The following KCNH8 variants were observed in gnomAD, a reference collection of about 807,000 sequenced individuals.
KCNH8 encodes potassium voltage-gated channel subfamily H member 8.
KCNH8 carries 70 observed loss-of-function variants against 103.6 expected under a neutral mutation model. The observed-to-expected ratio is 0.68, with a 90% CI of 0.56 to 0.82. The LOEUF is 0.82. KCNH8 is among the 40% of genes least tolerant of loss of function. The probability of loss-of-function intolerance (pLI) is 0.00; values close to 1 mark genes in which losing one functional copy is unlikely to be tolerated. For missense variants in KCNH8, 1,217 were observed against 1,329.9 expected (o/e 0.92, Z 1.32); for synonymous variants, 498 against 489.4 (o/e 1.02, Z -0.23).
In KCNH8 at chr3:19,340,364, T is replaced by A. The variant is rs1303588795; in HGVS notation, c.443-2223T>A. On this transcript the variant is annotated intron_variant, in intron 3 of 15. Transcript: ENST00000328405. The stretch of plus-strand genomic sequence containing the variant: ...TTTTTTATTTTTTTTTTAATTTTTT[T>A]TTTTTTTATTATACTCTAAGTTTTA... Among the ~76,000 whole-genome samples the A allele has an allele frequency of 2.0e-3, 306 of 150,832 alleles. 1 individual carries two copies. The highest frequency in any genetic ancestry group is 7.0e-3 in the African/African-American group (289 of 41,380).
intron 3 of KCNH8, among the ~76,000 whole-genome samples, chr3:19,301,897 A>G (rs566024068): frequency 6.6e-6 from 1 of 152,320 alleles, no homozygotes; most frequent in East Asian, 1.9e-4. Flanking sequence ...TTACAAAGAT[A>G]TTTTAAAGGA....
At chr3:19,231,707 G>A (rs535300518) in intron 1 of KCNH8, among the ~76,000 whole-genome samples, 1 of 152,226 alleles carries the variant, frequency 6.6e-6, no homozygotes, top group East Asian at 1.9e-4. Context: ...TTTACAGAAT[G>A]AAGTATCCAA....
At chr3:19,158,275 A>G (rs1207492524) in intron 1 of KCNH8, among the ~76,000 whole-genome samples, 1 of 151,506 alleles carries the variant, frequency 6.6e-6, no homozygotes, top group Admixed American at 6.6e-5. Flanking sequence ...ATATTCCTCT[A>G]TGTAATTCTA....
At chr3:19,268,533 A>G (rs957032173) in intron 2 of KCNH8, among the ~76,000 whole-genome samples, 1 of 152,146 alleles carries the variant, frequency 6.6e-6, no homozygotes. Flanking sequence ...TTCTCAGGCT[A>G]TTGAGAGTCA....
chr3:19,490,991 TA>T (rs908095895), intron 11 of KCNH8, among the ~76,000 whole-genome samples: 8 of 151,950 alleles, frequency 5.3e-5, no homozygotes, highest in South Asian at 2.1e-4. Flanking sequence ...GAGTTTCCAA[TA>T]AAAAAAATAC....
intron 1 of KCNH8, among the ~76,000 whole-genome samples, chr3:19,149,152 T>C (rs763506162): frequency 1.1e-4 from 17 of 152,262 alleles, no homozygotes; most frequent in Non-Finnish European, 1.6e-4. Context: ...CTAATCTTTC[T>C]AGAGTTTCAA....
chr3:19,455,044 A>G (rs2067509860), intron 10 of KCNH8, among the ~76,000 whole-genome samples: 1 of 152,144 alleles, frequency 6.6e-6, no homozygotes, highest in Admixed American at 6.6e-5. Context: ...GATATTTAGC[A>G]CATGTTCACT....
At chr3:19,277,303 C>T (rs2064688072) in intron 2 of KCNH8, among the ~76,000 whole-genome samples, 1 of 152,092 alleles carries the variant, frequency 6.6e-6, no homozygotes. Context: ...TGGCTTATGC[C>T]TGTAATTCAA....
At chr3:19,394,415 A>T (rs1414900079) in intron 6 of KCNH8, among the ~76,000 whole-genome samples, 4 of 152,032 alleles carry the variant, frequency 2.6e-5, no homozygotes, top group African/African-American at 9.7e-5. Flanking sequence ...AGGCACTAGG[A>T]GACTCTTCAG....
chr3:19,167,067 C>T lies in KCNH8; in HGVS notation c.76+18272C>T, dbSNP rs909385092. Among the ~76,000 whole-genome samples the T allele has an allele frequency of 5.9e-5, 9 of 152,282 alleles. No individual in the cohort carries two copies. In the South Asian group the frequency reaches 1.0e-3, roughly 18 times the overall value. ...TCCAAATGTTCTCTGTCACAAGTGT[C>T]TCCTTTATTTGTTCCTCATAGCAAA... On this transcript the variant is annotated intron_variant, in intron 1 of 15. Transcript: ENST00000328405.
chr3:19,214,469 G>A (rs1176293976), intron 1 of KCNH8, among the ~76,000 whole-genome samples: 1 of 152,244 alleles, frequency 6.6e-6, no homozygotes, highest in Non-Finnish European at 1.5e-5. Context: ...CCACCTATGG[G>A]CTAGATCCAA....
rs185762109 is a variant in KCNH8, at chr3:19,362,920, A to C, written c.811+14955A>C. 1.1e-4 allele frequency among the ~76,000 whole-genome samples: 16 copies of C among 152,188 alleles called. No individual in the cohort carries two copies. The East Asian group carries it at 2.9e-3, about 28-fold the overall frequency. On this transcript the variant is annotated intron_variant, in intron 5 of 15. Coordinates refer to ENST00000328405, the MANE Select transcript of KCNH8 (RefSeq NM_144633.3). ...TCCCCCCTTAGCCTCCCAAAGTGCC[A>C]GGATTACAGGCATGAGCCACTGTGC...
chr3:19,503,938 A>T (rs2068642276), intron 11 of KCNH8, among the ~76,000 whole-genome samples: 1 of 151,940 alleles, frequency 6.6e-6, no homozygotes, highest in South Asian at 2.1e-4. Flanking sequence ...TAATAATAAT[A>T]ATAATAAAGA....
intron 1 of KCNH8, among the ~76,000 whole-genome samples, chr3:19,151,394 A>G (rs1211736319): frequency 6.6e-6 from 1 of 152,060 alleles, no homozygotes; most frequent in East Asian, 1.9e-4. Context: ...TTTTTACCTT[A>G]TTTGTGAAGT....
rs1491342985 is a variant in KCNH8 at position 19,170,811 on chromosome 3, T to TATA, written c.76+22016_76+22017insATA. Among the ~76,000 whole-genome samples, 337 of 73,982 alleles carry TATA rather than the reference T, an allele frequency of 4.6e-3. 1 individual carries two copies. The highest frequency in any genetic ancestry group is 7.7e-3 in the Middle Eastern group (1 of 130). The allele number at this position is 73,982 out of a possible 152,430, so 48.5% of individuals were successfully genotyped here. A position where few individuals can be genotyped will look rare whatever the true frequency, so the allele number is the denominator to read the frequency against. ...ACACATATATATATATATATATATA[T>TATA]TTTTTTTTTTTTTTTTGAGACGAAG... On this transcript the variant is annotated intron_variant, in intron 1 of 15. Coordinates refer to ENST00000328405, the MANE Select transcript of KCNH8 (RefSeq NM_144633.3).
rs555071781 is a variant in KCNH8 at position 19,486,335 on chromosome 3, T to C, written c.2041-24028T>C. Among the ~76,000 whole-genome samples the C allele has an allele frequency of 3.4e-3, 522 of 152,380 alleles. 4 individuals are homozygous for C. The highest frequency in any genetic ancestry group is 5.4e-3 in the Non-Finnish European group (364 of 68,034). ...ATTTTCACAAAGCAAGCTTTGGTAC[T>C]TGGTTAATTTAGCATTTGTTAGCCA... is the stretch of plus-strand genomic sequence containing the variant. On this transcript the variant is annotated intron_variant, in intron 11 of 15. Coordinates refer to ENST00000328405, the MANE Select transcript of KCNH8 (RefSeq NM_144633.3).
intron 8 of KCNH8, among the ~76,000 whole-genome samples, chr3:19,441,631 G>A (rs1261281676): frequency 6.6e-6 from 1 of 152,176 alleles, no homozygotes; most frequent in Non-Finnish European, 1.5e-5. Context: ...CTGTGATGGA[G>A]TATTAGGAGA....
At chr3:19,244,167 C>G (rs1434641959) in intron 1 of KCNH8, among the ~76,000 whole-genome samples, 1 of 152,054 alleles carries the variant, frequency 6.6e-6, no homozygotes, top group African/African-American at 2.4e-5. Context: ...CCCAGAAAAT[C>G]CAGGCCCTGT....
At chr3:19,463,795 T>C (rs1195983112) in intron 11 of KCNH8, among the ~76,000 whole-genome samples, 1 of 152,116 alleles carries the variant, frequency 6.6e-6, no homozygotes, top group Non-Finnish European at 1.5e-5. Flanking sequence ...GGGATGTTCA[T>C]TGTAGCTCTG....
Sources: gnomAD v4.1 joint callset for allele counts (sites outside exome capture counted in the v4.1 genomes callset) on GRCh38, gnomAD v4.1.1 for gene constraint, MANE v1.5 for transcripts, NCBI Gene and HGNC (gene_info 2026-07-23, HGNC 2026-07-21) for gene names.